Variants in CSMD3 observed in about 807,000 individuals in gnomAD.
CSMD3 encodes CUB and Sushi multiple domains 3, also known as CUB and sushi domain-containing protein 3.
Under a neutral mutation model 435.2 loss-of-function variants are expected in CSMD3, and 177 were observed. The observed-to-expected ratio is 0.41, with a 90% confidence interval of 0.36 to 0.46. The LOEUF (loss-of-function observed/expected upper bound fraction) is 0.46. Ranked by LOEUF, CSMD3 falls within the 20% of genes least tolerant of loss-of-function variation. The pLI is 0.34. For synonymous variants in CSMD3, 1,656 were observed against 1,520.5 expected (o/e 1.09, Z -2.07); for missense variants, 4,265 against 4,504.6 (o/e 0.95, Z 1.52).
intron 1 of CSMD3, among the ~76,000 whole-genome samples, chr8:113,407,349 A>AT (rs2094537160): frequency 6.6e-6 from 1 of 152,118 alleles, no homozygotes; most frequent in Non-Finnish European, 1.5e-5. Context: ...ACTTCACTGA[A>AT]TTTTAAGTGA....
chr8:112,524,984 C>T (rs1466894527), intron 27 of CSMD3, among the ~76,000 whole-genome samples: 1 of 151,404 alleles, frequency 6.6e-6, no homozygotes, highest in East Asian at 1.9e-4. Flanking sequence ...ATTAGTATTG[C>T]CAGAAACATT....
At chr8:112,883,780 G>A (rs1359356477) in intron 10 of CSMD3, among the ~76,000 whole-genome samples, 1 of 151,838 alleles carries the variant, frequency 6.6e-6, no homozygotes, top group South Asian at 2.1e-4. Flanking sequence ...CCAGGATATT[G>A]TAATTATTTC....
intron 4 of CSMD3, among the ~76,000 whole-genome samples, chr8:113,125,701 A>G (rs1269788049): frequency 6.6e-6 from 1 of 151,928 alleles, no homozygotes; most frequent in Non-Finnish European, 1.5e-5. Context: ...CTAAATAAAG[A>G]AAGTGTTTAA....
At chr8:112,547,467 G>C (rs1279161898) in intron 27 of CSMD3, among the ~76,000 whole-genome samples, 1 of 152,196 alleles carries the variant, frequency 6.6e-6, no homozygotes, top group Admixed American at 6.6e-5. Flanking sequence ...AAGATCGCTT[G>C]AACTTAGGAG....
At chr8:112,555,707 C>G (rs1027640202) in intron 25 of CSMD3, among the ~76,000 whole-genome samples, 1 of 151,880 alleles carries the variant, frequency 6.6e-6, no homozygotes, top group East Asian at 1.9e-4. Flanking sequence ...GTTGCAAGGC[C>G]TATAATAACT....
At chr8:112,628,982 A>G (rs1160205811) in intron 22 of CSMD3, among the ~76,000 whole-genome samples, 3 of 152,182 alleles carry the variant, frequency 2.0e-5, no homozygotes, top group Non-Finnish European at 4.4e-5. Context: ...AATTTGCATC[A>G]CAGGAGGTTC....
intron 1 of CSMD3, among the ~76,000 whole-genome samples, chr8:113,408,238 G>A (rs2094541748): frequency 6.6e-6 from 1 of 152,056 alleles, no homozygotes; most frequent in Non-Finnish European, 1.5e-5. Flanking sequence ...AAGTGATGAA[G>A]TTGCTCTATG....
intron 6 of CSMD3, among the ~76,000 whole-genome samples, chr8:113,003,666 G>A (rs1360023071): frequency 6.6e-6 from 1 of 152,004 alleles, no homozygotes; most frequent in Non-Finnish European, 1.5e-5. Context: ...TTTTTAGCGA[G>A]ATGCTTTTAG....
At chr8:112,507,475 T>C (rs1822653195) in intron 28 of CSMD3, among the ~76,000 whole-genome samples, 1 of 151,910 alleles carries the variant, frequency 6.6e-6, no homozygotes, top group Non-Finnish European at 1.5e-5. Flanking sequence ...GATATGGAGG[T>C]CTTCGTGGTG....
At chr8:112,742,445 C>T (rs2132060877) in intron 13 of CSMD3, among the ~76,000 whole-genome samples, 1 of 151,996 alleles carries the variant, frequency 6.6e-6, no homozygotes, top group African/African-American at 2.4e-5. Flanking sequence ...ATTCCTTACA[C>T]ACTGTGGAAA....
chr8:112,337,417 A>G, intron 43 of CSMD3, 126 bp downstream of exon 43: 3 of 779,552 alleles, frequency 3.8e-6, no homozygotes, highest in Non-Finnish European at 6.6e-6. Flanking sequence ...GGGTTTAAAA[A>G]ATATCTTCAG....
At chr8:112,399,238 T>G (rs974858722) in intron 35 of CSMD3, among the ~76,000 whole-genome samples, 4 of 149,500 alleles carry the variant, frequency 2.7e-5, no homozygotes, top group Non-Finnish European at 5.9e-5. Flanking sequence ...GTTGAAAGTT[T>G]TTAAAATATA....
intron 36 of CSMD3, among the ~76,000 whole-genome samples, chr8:112,385,372 T>C (rs1829842674): frequency 6.6e-6 from 1 of 152,098 alleles, no homozygotes; most frequent in African/African-American, 2.4e-5. Context: ...TCAATAAAGC[T>C]TAGCTAAGAG....
At chr8:112,441,234 G>A (rs545095636) in intron 32 of CSMD3, among the ~76,000 whole-genome samples, 22 of 152,230 alleles carry the variant, frequency 1.4e-4, no homozygotes, top group African/African-American at 5.1e-4. Context: ...CATAGCAAGA[G>A]TCACCTTTGC....
chr8:112,925,354 C>T (rs1033365876), intron 9 of CSMD3, among the ~76,000 whole-genome samples: 1 of 151,886 alleles, frequency 6.6e-6, no homozygotes, highest in Admixed American at 6.6e-5. Flanking sequence ...GTCAGGAGAT[C>T]GAGACCATCC....
At chr8:112,331,266 C>T (rs567954077) in intron 45 of CSMD3, among the ~76,000 whole-genome samples, 80 of 152,000 alleles carry the variant, frequency 5.3e-4, no homozygotes, top group African/African-American at 1.8e-3. Context: ...CCAACCTCAT[C>T]TTGACTCTAC....
chr8:112,534,942 T>C (rs1825912835), intron 27 of CSMD3, among the ~76,000 whole-genome samples: 1 of 152,144 alleles, frequency 6.6e-6, no homozygotes, highest in African/African-American at 2.4e-5. Context: ...CATGATTATC[T>C]CAATAGATGC....
chr8:112,880,432 A>G (rs1428069962), intron 10 of CSMD3, among the ~76,000 whole-genome samples: 2 of 152,108 alleles, frequency 1.3e-5, no homozygotes, highest in Non-Finnish European at 2.9e-5. Flanking sequence ...ATGGAACCAT[A>G]AAAGAATAGA....
intron 1 of CSMD3, among the ~76,000 whole-genome samples, chr8:113,370,718 AT>A (rs2094341862): frequency 6.6e-6 from 1 of 151,946 alleles, no homozygotes; most frequent in African/African-American, 2.4e-5. Flanking sequence ...TTCTCTGGCA[AT>A]AAATCTCTTC....
Sources: gnomAD v4.1 joint callset for allele counts (sites outside exome capture counted in the v4.1 genomes callset) on GRCh38, gnomAD v4.1.1 for gene constraint, MANE v1.5 for transcripts, NCBI Gene and HGNC (gene_info 2026-07-23, HGNC 2026-07-21) for gene names.